Variants in CCDC144A observed in about 807,000 individuals in gnomAD.
CCDC144A encodes coiled-coil domain-containing protein 144A.
In CCDC144A, 41 loss-of-function variants were observed where a neutral mutation model predicts 143.8. That is an observed-to-expected ratio of 0.29 (90% confidence interval 0.22 to 0.37). CCDC144A has a LOEUF of 0.37. CCDC144A is among the 10% of genes least tolerant of loss of function. The pLI, the probability that CCDC144A is intolerant of heterozygous loss-of-function variation, is 1.00. For synonymous variants in CCDC144A, 242 were observed against 517.9 expected (o/e 0.47, Z 7.23); for missense variants, 637 against 1,488.8 (o/e 0.43, Z 9.41).
chr17:16,759,974 GTTTA>G (rs1182234280), intron 12 of CCDC144A, among the ~76,000 whole-genome samples: 2 of 152,196 alleles, frequency 1.3e-5, no homozygotes, highest in Admixed American at 1.3e-4. Flanking sequence ...CTAAAGGCTT[GTTTA>G]TTTACCTGTG....
At chr17:16,676,179 C>G in the CCDC144A span, among the ~76,000 whole-genome samples, 1 of 151,982 alleles carries the variant, frequency 6.6e-6, no homozygotes, top group Non-Finnish European at 1.5e-5. Context: ...TAGAATATGG[C>G]TAGCCTATAA....
intron 9 of CCDC144A, among the ~76,000 whole-genome samples, chr17:16,728,586 T>A (rs1158853545): frequency 3.3e-5 from 5 of 152,122 alleles, no homozygotes; most frequent in Admixed American, 6.5e-5. Flanking sequence ...TTTTGAAAAA[T>A]TTTTTTTAAA....
At chr17:16,769,863 T>C (rs1915756456) in intron 15 of CCDC144A, among the ~76,000 whole-genome samples, 1 of 151,940 alleles carries the variant, frequency 6.6e-6, no homozygotes, top group Non-Finnish European at 1.5e-5. Flanking sequence ...AGTCTCACTC[T>C]GTCTCCCAGG....
intron 5 of CCDC144A, among the ~76,000 whole-genome samples, chr17:16,710,871 G>A (rs1739216979): frequency 6.6e-6 from 1 of 151,486 alleles, no homozygotes; most frequent in Non-Finnish European, 1.5e-5. Flanking sequence ...CAAAATGCTA[G>A]GTAATGGCAC....
chr17:16,770,150 A>T (rs1186355191), intron 15 of CCDC144A, among the ~76,000 whole-genome samples: 149 of 145,370 alleles, frequency 1.0e-3, no homozygotes, highest in Middle Eastern at 4.4e-3. Flanking sequence ...TTTTATTTTT[A>T]TTATTATTAT....
intron 6 of CCDC144A, among the ~76,000 whole-genome samples, chr17:16,713,597 G>T (rs1226228373): frequency 6.6e-6 from 1 of 152,044 alleles, no homozygotes; most frequent in African/African-American, 2.4e-5. Context: ...GAAACTTTTA[G>T]TCTTCCTTGG....
At chr17:16,733,392 AC>A (rs1913840799) in intron 11 of CCDC144A, among the ~76,000 whole-genome samples, 1 of 147,812 alleles carries the variant, frequency 6.8e-6, no homozygotes, top group Non-Finnish European at 1.5e-5. Context: ...AGTCCCAGCT[AC>A]TCGGGAGGCT....
chr17:16,734,549 T>A (rs1262678017), intron 11 of CCDC144A, 141 bp from the exon 12 acceptor site: 1 of 556,366 alleles, frequency 1.8e-6, no homozygotes, highest in Admixed American at 3.3e-5. Context: ...CTCTATGAGG[T>A]TTGAAGTTTC....
At chr17:16,707,668 C>T (rs1487979929) in intron 4 of CCDC144A, 126 bp downstream of exon 4, 1 of 515,938 alleles carries the variant, frequency 1.9e-6, no homozygotes, top group Non-Finnish European at 3.5e-6. Context: ...TAGATCCTTA[C>T]TTAATATTTA....
At chr17:16,759,323 C>T (rs1915249189) in intron 12 of CCDC144A, among the ~76,000 whole-genome samples, 1 of 152,190 alleles carries the variant, frequency 6.6e-6, no homozygotes, top group Non-Finnish European at 1.5e-5. Context: ...CCCTGTAAGC[C>T]AAAAGGCTTA....
At chr17:16,670,067 G>A in the CCDC144A span, among the ~76,000 whole-genome samples, 1 of 151,778 alleles carries the variant, frequency 6.6e-6, no homozygotes, top group African/African-American at 2.4e-5. Context: ...TGTAATCCCA[G>A]CTACTCTGGA....
chr17:16,697,602 C>A (rs1597531384), intron 2 of CCDC144A, among the ~76,000 whole-genome samples: 1 of 152,274 alleles, frequency 6.6e-6, no homozygotes, highest in East Asian at 1.9e-4. Flanking sequence ...GGTTAAGGAG[C>A]TCAGTTATTC....
At position 16,748,800 on chromosome 17, in the gene CCDC144A, C is replaced by T. The variant is rs4034551; in HGVS notation, c.3373-12625C>T. 3.8e-4 allele frequency among the ~76,000 whole-genome samples: 58 copies of T among 152,170 alleles called. No individual in the cohort carries two copies. In the South Asian group the frequency reaches 0.012, roughly 31 times the overall value. On this transcript the variant is annotated intron_variant, in intron 12 of 16. Transcript: ENST00000399273. ...TGTCTGTTCATGATTTCAATTTCCT[C>T]GTGGTTCAATCTTTGTTGGTTTCCA...
chr17:16,772,049 T>C (rs189720600), intron 16 of CCDC144A, 30 bp downstream of exon 16: 21,140 of 1,477,476 alleles, frequency 0.014, 1 homozygote, highest in Admixed American at 0.018. Flanking sequence ...GAATTAAATT[T>C]AGATTAAGTA....
At chr17:16,729,975 T>TATATATATATATATATATAC (rs1225312326) in intron 9 of CCDC144A, among the ~76,000 whole-genome samples, 1 of 134,304 alleles carries the variant, frequency 7.4e-6, no homozygotes, top group Non-Finnish European at 1.6e-5. Context: ...TATATATATA[T>TATATATATATATATATATAC]ATATATATAT....
chr17:16,703,712 A>G (rs552480341), intron 2 of CCDC144A, among the ~76,000 whole-genome samples: 1 of 152,160 alleles, frequency 6.6e-6, no homozygotes, highest in Admixed American at 6.5e-5. Flanking sequence ...GCTGAGGCAG[A>G]GAATGGCGTG....
At chr17:16,671,035 G>T in the CCDC144A span, among the ~76,000 whole-genome samples, 1 of 150,472 alleles carries the variant, frequency 6.6e-6, no homozygotes. Flanking sequence ...TCACCTGGTT[G>T]GAGTGCATTG....
chr17:16,726,097 G>A (rs543771395), intron 8 of CCDC144A, among the ~76,000 whole-genome samples: 7 of 151,990 alleles, frequency 4.6e-5, no homozygotes, highest in Non-Finnish European at 8.8e-5. Context: ...AAAATCTTCC[G>A]GCCGGGCGCG....
upstream of CCDC144A, among the ~76,000 whole-genome samples, chr17:16,684,961 C>CA (rs540992030): frequency 1.6e-3 from 242 of 152,200 alleles, no homozygotes; most frequent in African/African-American, 5.5e-3. Flanking sequence ...GACCCTGTCA[C>CA]AAAAAAACAA....
Sources: gnomAD v4.1 joint callset for allele counts (sites outside exome capture counted in the v4.1 genomes callset) on GRCh38, gnomAD v4.1.1 for gene constraint, MANE v1.5 for transcripts, NCBI Gene and HGNC (gene_info 2026-07-23, HGNC 2026-07-21) for gene names.